The following RNF34 variants were observed in gnomAD, a reference collection of about 807,000 sequenced individuals.
The protein encoded by RNF34 is E3 ubiquitin-protein ligase RNF34.
Under a neutral mutation model 37.9 loss-of-function variants are expected in RNF34, and 12 were observed. The observed-to-expected ratio is 0.32, with a 90% confidence interval of 0.20 to 0.51. The LOEUF is 0.51. RNF34 is among the 20% of genes least tolerant of loss of function. The pLI, the probability that RNF34 is intolerant of heterozygous loss-of-function variation, is 0.97. For missense variants in RNF34, 362 were observed against 472.7 expected, an observed-to-expected ratio of 0.77 and a Z score of 2.17; for synonymous variants, 155 against 177.2, an observed-to-expected ratio of 0.87 and a Z score of 1.00.
chr12:121,414,010 T>C (rs1329269927), intron 1 of RNF34, among the ~76,000 whole-genome samples: 1 of 152,236 alleles, frequency 6.6e-6, no homozygotes. Flanking sequence ...TTCTCCTTTC[T>C]TTATAATACA....
chr12:121,416,029 G>T, intron 1 of RNF34, 130 bp from the exon 2 acceptor site: 1 of 673,970 alleles, frequency 1.5e-6, no homozygotes. Context: ...AAATTTCAGT[G>T]CCCAGAGGAA....
intron 3 of RNF34, chr12:121,418,602 T>C (rs1208961052): frequency 6.6e-6 from 1 of 152,324 alleles, no homozygotes; most frequent in East Asian, 1.9e-4. Flanking sequence ...GAGCCTGCAG[T>C]CTGATACTTG....
Position 121,420,238 on chromosome 12 carries a change from G to GT in RNF34, c.634-3dup. 2 of 1,608,942 alleles carry GT rather than the reference G, an allele frequency of 1.2e-6. No individual in the cohort carries two copies. The highest frequency in any genetic ancestry group is 1.7e-6 in the Non-Finnish European group (2 of 1,176,174). On this transcript the variant is annotated splice_polypyrimidine_tract_variant and splice_region_variant and intron_variant, in intron 3 of 5. Transcript: ENST00000361234. ...ACCTAATCAGATACGTTGTATAAGT[G>GT]TAGGTACAAAGTGAAATCACTTCAG...
chr12:121,411,399 A>G (rs1434941631), intron 1 of RNF34, among the ~76,000 whole-genome samples: 7 of 152,180 alleles, frequency 4.6e-5, no homozygotes, highest in African/African-American at 1.7e-4. Context: ...TTTTCCCAAA[A>G]TAAGTCCTTC....
intron 1 of RNF34, among the ~76,000 whole-genome samples, chr12:121,411,388 G>A (rs1555281359): frequency 1.3e-5 from 2 of 152,128 alleles, no homozygotes; most frequent in African/African-American, 4.8e-5. Flanking sequence ...GAATCCATCT[G>A]TTTTCCCAAA....
chr12:121,410,063 A>T (rs1870900698), intron 1 of RNF34, among the ~76,000 whole-genome samples: 1 of 151,952 alleles, frequency 6.6e-6, no homozygotes, highest in Admixed American at 6.6e-5. Context: ...CTGAGGCAGC[A>T]GAATCGGTTG....
At chr12:121,416,979 T>TA (rs775441979) in intron 2 of RNF34, among the ~76,000 whole-genome samples, 5 of 152,260 alleles carry the variant, frequency 3.3e-5, no homozygotes, top group Non-Finnish European at 7.3e-5. Flanking sequence ...GTGCCCTCTT[T>TA]AAGCTTCTCT....
At chr12:121,421,409 C>T (rs1872148427) in intron 5 of RNF34, among the ~76,000 whole-genome samples, 1 of 131,856 alleles carries the variant, frequency 7.6e-6, no homozygotes, top group African/African-American at 2.6e-5. Context: ...CCAAAAAAAC[C>T]TGGTGTGGTG....
At chr12:121,420,375 C>A in intron 4 of RNF34, 41 bp downstream of exon 4, 1 of 1,554,374 alleles carries the variant, frequency 6.4e-7, no homozygotes, top group Non-Finnish European at 8.7e-7. Flanking sequence ...GACATGTCAG[C>A]CTGACAGGAA....
chr12:121,411,013 T>C (rs1871007639), intron 1 of RNF34, among the ~76,000 whole-genome samples: 1 of 152,126 alleles, frequency 6.6e-6, no homozygotes, highest in South Asian at 2.1e-4. Flanking sequence ...TAGCTCACCA[T>C]AGTCTCAACC....
chr12:121,400,158 C>G lies in RNF34; in HGVS notation c.-55C>G, dbSNP rs371429893. ...GGAAGGAGGTCGGCAGTGTGAGGAGCTGCTATGGTGCTGAGTTTCCTGGTA... is the reference window on the plus strand; with the variant it reads ...GGAAGGAGGTCGGCAGTGTGAGGAGGTGCTATGGTGCTGAGTTTCCTGGTA... On this transcript the variant is annotated 5_prime_UTR_variant, in exon 1 of 6. Coordinates refer to ENST00000361234, the MANE Select transcript of RNF34 (RefSeq NM_025126.4). The G allele has an allele frequency of 1.9e-5, 31 of 1,596,476 alleles. No homozygotes were observed. The East Asian group carries it at 5.4e-4, about 28-fold the overall frequency.
chr12:121,413,012 C>T (rs1871235964), intron 1 of RNF34, among the ~76,000 whole-genome samples: 1 of 145,362 alleles, frequency 6.9e-6, no homozygotes, highest in South Asian at 2.2e-4. Context: ...AGCCATTGTG[C>T]CCAGGCTATT....
chr12:121,419,759 G>C (rs1215623506), intron 3 of RNF34: 1 of 153,148 alleles, frequency 6.5e-6, no homozygotes, highest in Non-Finnish European at 1.5e-5. Context: ...GTGAAGTCTA[G>C]AAAGCCTTCG....
Position 121,418,000 on chromosome 12 carries a change from A to G in RNF34, c.633+89A>G. 1 of 1,345,120 alleles carries G rather than the reference A, an allele frequency of 7.4e-7. No individual in the cohort carries two copies. The highest frequency in any genetic ancestry group is 1.0e-6 in the Non-Finnish European group (1 of 976,132). 83.3% of individuals were successfully genotyped at this position (1,345,120 alleles called of 1,614,324 possible). On this transcript the variant is annotated intron_variant, in intron 3 of 5. Coordinates refer to ENST00000361234, the MANE Select transcript of RNF34 (RefSeq NM_025126.4). The surrounding 1 kb of genome is among the most constrained non-coding windows in gnomAD (Gnocchi z 5.0). ...GGCCTTTAGTGCTTGATGACTTCTG[A>G]TAAACTTCAAGTCATGTGCTGGAGT...
Position 121,423,843 on chromosome 12 carries a change from C to T in RNF34, c.*267C>T, listed in dbSNP as rs1170892200. Reference sequence around the variant, plus strand: ...ACACTCATTGAAGTCAGCCTGTTTGCGCCATGTGGGCATCAGCCACTGCTG... The same window carrying T: ...ACACTCATTGAAGTCAGCCTGTTTGTGCCATGTGGGCATCAGCCACTGCTG... On this transcript the variant is annotated 3_prime_UTR_variant, in exon 6 of 6. Transcript: ENST00000361234. This position sits in a 1 kb window ranked among gnomAD's most constrained non-coding sequence, Gnocchi z 4.3. 7.7e-6 allele frequency: 3 copies of T among 391,622 alleles called. No homozygotes were observed. The highest frequency in any genetic ancestry group is 1.4e-5 in the Non-Finnish European group (3 of 214,660). The allele number at this position is 391,622 out of a possible 1,614,324, so 24.3% of individuals were successfully genotyped here.
At chr12:121,410,253 C>G (rs57703781) in intron 1 of RNF34, among the ~76,000 whole-genome samples, 29,012 of 150,112 alleles carry the variant, frequency 0.19, 4,275 homozygotes, top group African/African-American at 0.41. Context: ...AAATATGCTG[C>G]ATGGGGCTGG....
Position 121,423,392 on chromosome 12 carries a change from AG to A in RNF34, c.936del (p.Glu312AspfsTer42), listed in dbSNP as rs1444920009. 3.7e-6 allele frequency: 6 copies of A among 1,603,852 alleles called. No individual in the cohort carries two copies. Among genetic ancestry groups the A allele is most frequent in the Non-Finnish European group, 5.1e-6 (6 of 1,173,840 alleles). ...GCTCTCTGTTGCCTTTCAGATGGCG[AG>A]CGGCTGCAGCTGCAGGATGAGGAAG... The part of the protein sequence containing the change: ...ENEENQKSYG[E>X]RLQLQDEEDD... On this transcript the variant is annotated frameshift_variant, in exon 6 of 6. Transcript: ENST00000361234. LOFTEE classifies it high-confidence loss of function. This position sits in a 1 kb window ranked among gnomAD's most constrained non-coding sequence, Gnocchi z 4.3.
intron 1 of RNF34, among the ~76,000 whole-genome samples, chr12:121,404,374 G>A (rs1870303666): frequency 1.4e-5 from 2 of 139,198 alleles, no homozygotes; most frequent in Non-Finnish European, 3.0e-5. Flanking sequence ...CTTGTGTCTG[G>A]CTGTCATTTA....
intron 1 of RNF34, among the ~76,000 whole-genome samples, chr12:121,413,325 C>T (rs1165150262): frequency 1.3e-5 from 2 of 152,108 alleles, no homozygotes; most frequent in African/African-American, 2.4e-5. Flanking sequence ...CTGAGCCTGG[C>T]CAGATTTTCA....
Sources: allele counts gnomAD v4.1 joint callset (sites outside exome capture counted in the v4.1 genomes callset), GRCh38; gene constraint gnomAD v4.1.1; non-coding constraint Gnocchi (gnomAD v3.1); transcripts MANE v1.5; gene names NCBI Gene and HGNC (gene_info 2026-07-23, HGNC 2026-07-21).